The following AHDC1 variants were observed in gnomAD, a reference collection of about 807,000 sequenced individuals.
AHDC1 encodes AT-hook DNA binding motif containing 1, also known as transcription factor Gibbin.
A neutral mutation model predicts 87.9 loss-of-function variants in AHDC1; 7 were observed. That is an observed-to-expected ratio of 0.08 (90% CI 0.05 to 0.15). The LOEUF (loss-of-function observed/expected upper bound fraction) is 0.15. AHDC1 is among the 10% of genes least tolerant of loss of function. The probability of loss-of-function intolerance (pLI) is 1.00; values close to 1 mark genes in which losing one functional copy is unlikely to be tolerated. For synonymous variants in AHDC1, 1,051 were observed against 1,006.8 expected, an observed-to-expected ratio of 1.04 and a Z score of -0.83; for missense variants, 1,841 against 2,253.2, an observed-to-expected ratio of 0.82 and a Z score of 3.70.
At chr1:27,575,470 C>T (rs986599220) in intron 3 of AHDC1, among the ~76,000 whole-genome samples, 1 of 152,120 alleles carries the variant, frequency 6.6e-6, no homozygotes, top group East Asian at 1.9e-4. Context: ...GGTCTCCCCC[C>T]ACCACCCTCG....
intron 3 of AHDC1, among the ~76,000 whole-genome samples, chr1:27,597,954 C>T (rs988881978): frequency 8.5e-5 from 13 of 152,196 alleles, no homozygotes; most frequent in Non-Finnish European, 1.5e-4. Context: ...CCGTCTCTCC[C>T]TGTCCCAGTC....
At chr1:27,573,431 C>A (rs2088607187) in intron 3 of AHDC1, among the ~76,000 whole-genome samples, 1 of 152,136 alleles carries the variant, frequency 6.6e-6, no homozygotes, top group South Asian at 2.1e-4. Flanking sequence ...GTACAGTTAG[C>A]CCAGAAAGGC....
chr1:27,541,921 C>T (rs867048956), intron 8 of AHDC1, among the ~76,000 whole-genome samples: 8 of 152,240 alleles, frequency 5.3e-5, no homozygotes, highest in Admixed American at 1.3e-4. Flanking sequence ...TGAGCCACCG[C>T]GCCTGGCAAG....
intron 3 of AHDC1, among the ~76,000 whole-genome samples, chr1:27,589,003 T>C (rs1317474851): frequency 6.6e-6 from 1 of 151,984 alleles, no homozygotes; most frequent in Non-Finnish European, 1.5e-5. Context: ...GAGGAGATGG[T>C]GTCCCTGTGA....
In AHDC1 at chr1:27,578,703, T is replaced by C. The variant is rs1223779313; in HGVS notation, c.-628-19820A>G. Among the ~76,000 whole-genome samples, 3 of 145,640 alleles carry C rather than the reference T, an allele frequency of 2.1e-5. No homozygotes were observed. The East Asian group carries it at 5.9e-4, about 29-fold the overall frequency. On this transcript the variant is annotated intron_variant, in intron 3 of 8. Transcript: ENST00000673934. ...TTTTAAATTACATATGTGGCTTCTC[T>C]TTTTTTTTTTTGACACGGAGTCTTA...
chr1:27,546,088 C>T (rs1352245522), intron 8 of AHDC1, among the ~76,000 whole-genome samples: 2 of 152,178 alleles, frequency 1.3e-5, no homozygotes, highest in Non-Finnish European at 2.9e-5. Context: ...AGGAGCCCAG[C>T]TACTCCTCCA....
At chr1:27,601,882 G>A (rs957226935) in intron 3 of AHDC1, among the ~76,000 whole-genome samples, 8 of 152,174 alleles carry the variant, frequency 5.3e-5, no homozygotes, top group African/African-American at 1.4e-4. Flanking sequence ...CAGCAGCAGC[G>A]GACAAAATGT....
At chr1:27,597,379 G>A (rs1294228756) in intron 3 of AHDC1, among the ~76,000 whole-genome samples, 2 of 150,084 alleles carry the variant, frequency 1.3e-5, no homozygotes, top group Admixed American at 1.3e-4. Flanking sequence ...GTGTGTGTGA[G>A]AGAGAGAGAG....
intron 8 of AHDC1, among the ~76,000 whole-genome samples, chr1:27,546,475 G>A (rs1487725225): frequency 6.6e-6 from 1 of 152,158 alleles, no homozygotes; most frequent in Non-Finnish European, 1.5e-5. Flanking sequence ...TTCAGGAAAG[G>A]GACTGGCTTT....
chr1:27,548,916 C>G lies in AHDC1; in HGVS notation c.3200G>C (p.Gly1067Ala). 3 of 1,601,842 alleles carry G rather than the reference C, an allele frequency of 1.9e-6. No homozygotes were observed. The highest frequency in any genetic ancestry group is 2.6e-6 in the Non-Finnish European group (3 of 1,174,358). The change falls in exon 8 of 9, where the codon GGC (glycine) becomes GCC (alanine). Residue 1067 changes from glycine to alanine, a missense_variant. This residue lies in a region of AHDC1 where 378 missense variants were observed against 399.0 expected (regional missense o/e 0.95). Coordinates refer to ENST00000673934, the MANE Select transcript of AHDC1 (RefSeq NM_001371928.1). ...DSRASTVSPG[G>A]YMVPKGTTAS... ...TGTGGTGCCCTTGGGTACCATGTAG[C>G]CACCGGGCGAGACTGTGCTGGCCCG...
chr1:27,574,901 G>A lies in AHDC1; in HGVS notation c.-628-16018C>T, dbSNP rs770956850. Among the ~76,000 whole-genome samples, 125 of 152,278 alleles carry A rather than the reference G, an allele frequency of 8.2e-4. 1 individual carries two copies. The highest frequency in any genetic ancestry group is 5.3e-4 in the Non-Finnish European group (36 of 68,014). ...TGTAAAATGAAGCCCCTCCCATCCC[G>A]GGGCCCTTCTCTGGACTCTGGGGCC... On this transcript the variant is annotated intron_variant, in intron 3 of 8. Transcript: ENST00000673934.
rs1182016941 is a variant in AHDC1, at chr1:27,550,836, G to A, written c.1280C>T (p.Ala427Val). ...AGGAGGCGGTGGTGGTGGGGGTTCG[G>A]CCAGGGCAGCCACCAGCCCCGTGGG... Reference protein sequence around the residue: ...PMPTGLVAALAEPPPPPPPPP... With the variant: ...PMPTGLVAALVEPPPPPPPPP... Residue 427 changes from alanine (A) to valine (V), a missense_variant, in exon 8 of 9, where the codon GCC (alanine) becomes GTC (valine). Transcript: ENST00000673934. 1.3e-6 allele frequency: 2 copies of A among 1,565,440 alleles called. No homozygotes were observed. Among genetic ancestry groups the A allele is most frequent in the South Asian group, 1.2e-5 (1 of 86,626 alleles).
At chr1:27,566,673 A>AG (rs1055210226) in intron 3 of AHDC1, among the ~76,000 whole-genome samples, 1 of 44,976 alleles carries the variant, frequency 2.2e-5, no homozygotes, top group African/African-American at 9.1e-5. Context: ...GTGAGGAGGG[A>AG]GGGGGGTGGA....
chr1:27,541,905 C>T (rs1267544172), intron 8 of AHDC1, among the ~76,000 whole-genome samples: 2 of 152,242 alleles, frequency 1.3e-5, no homozygotes, highest in African/African-American at 4.8e-5. Context: ...GCTGGGATTA[C>T]AGGCGTGAGC....
intron 3 of AHDC1, among the ~76,000 whole-genome samples, chr1:27,601,323 A>C (rs1185762132): frequency 6.6e-6 from 1 of 152,226 alleles, no homozygotes; most frequent in Non-Finnish European, 1.5e-5. Context: ...TTAGGCACTG[A>C]CCAGACTAGA....
At chr1:27,541,462 G>A (rs2018915850) in intron 8 of AHDC1, among the ~76,000 whole-genome samples, 1 of 151,748 alleles carries the variant, frequency 6.6e-6, no homozygotes, top group African/African-American at 2.4e-5. Flanking sequence ...GGGACTACAG[G>A]CACACACCAC....
chr1:27,550,372 G>A lies in AHDC1; in HGVS notation c.1744C>T (p.Pro582Ser), dbSNP rs767840129. 1.9e-6 allele frequency: 3 copies of A among 1,613,816 alleles called. No individual in the cohort carries two copies. The highest frequency in any genetic ancestry group is 1.1e-5 in the South Asian group (1 of 91,086). The change falls in exon 8 of 9, where the codon CCA becomes TCA. Residue 582 changes from proline (P) to serine (S), a missense_variant. By Grantham distance (74) the Pro-to-Ser change is moderately conservative. Around this residue, in one of 13 missense-constraint regions of AHDC1, gnomAD observed 84 missense variants for 111.7 expected, o/e 0.75. Coordinates refer to ENST00000673934, the MANE Select transcript of AHDC1 (RefSeq NM_001371928.1). ...CGCCGCCGTCGTTTTTTTACCTCTG[G>A]CATGGCCATGGTGGCCGCTGCCACA... is the stretch of plus-strand genomic sequence containing the variant. ...ATVAAATMAM[P>S]EVKKRRRRKQ...
In AHDC1 at chr1:27,597,983, C is replaced by T. The variant is rs201628471; in HGVS notation, c.-629+5414G>A. ...CCCAGTCCATCTGTCCGTCTCTCTCCGTCTGTCTGTGTGTGGGTGTCTCTG... is the reference window on the plus strand; with the variant it reads ...CCCAGTCCATCTGTCCGTCTCTCTCTGTCTGTCTGTGTGTGGGTGTCTCTG... On this transcript the variant is annotated intron_variant, in intron 3 of 8. Transcript: ENST00000673934. 3.9e-5 allele frequency among the ~76,000 whole-genome samples: 6 copies of T among 152,124 alleles called. No homozygotes were observed. The East Asian group carries it at 7.7e-4, about 20-fold the overall frequency.
rs1249748565 is a variant in AHDC1, at chr1:27,550,787, T to C, written c.1329A>G (p.Pro443=). The C allele has an allele frequency of 6.4e-7, 1 of 1,569,058 alleles. No individual in the cohort carries two copies. The highest frequency in any genetic ancestry group is 1.9e-5 in the Admixed American group (1 of 52,846). ...TCAACTCTGGGACTGAGACCGGGCC[T>C]GGGCCTGGCAGGGCAGGGGGTGGAG... ...PPPPPPALPG[P]GPVSVPELKP... Residue 443 remains proline (P), a synonymous_variant, in exon 8 of 9, where the codon CCA becomes CCG. Coordinates refer to ENST00000673934, the MANE Select transcript of AHDC1 (RefSeq NM_001371928.1).
Sources: gnomAD v4.1 joint callset for allele counts (sites outside exome capture counted in the v4.1 genomes callset) on GRCh38, gnomAD v4.1.1 for gene constraint, gnomAD v4.1.1 regional missense constraint, MANE v1.5 for transcripts, NCBI Gene and HGNC (gene_info 2026-07-23, HGNC 2026-07-21) for gene names.